Variants in SLC9B2 observed in about 807,000 individuals in gnomAD.
SLC9B2 encodes sodium/hydrogen exchanger 9B2.
In SLC9B2, 39 loss-of-function variants were observed where a neutral mutation model predicts 52.2. The ratio of observed to expected loss-of-function variants is 0.75; its 90% CI spans 0.58 to 0.98. The LOEUF (loss-of-function observed/expected upper bound fraction) is 0.98, where lower values mean the gene tolerates loss of function less well. Among genes scored for constraint, SLC9B2 ranks in the 50% least tolerant of loss-of-function variants. The probability of loss-of-function intolerance (pLI) is 0.00; values close to 1 mark genes in which losing one functional copy is unlikely to be tolerated. For synonymous variants in SLC9B2, 214 were observed against 227.0 expected (o/e 0.94, Z 0.51); for missense variants, 626 against 637.5 (o/e 0.98, Z 0.19).
At chr4:103,046,923 C>T in intron 7 of SLC9B2, 128 bp downstream of exon 7, 1 of 1,107,698 alleles carries the variant, frequency 9.0e-7, no homozygotes, top group Non-Finnish European at 1.3e-6. Flanking sequence ...GTACAGAACT[C>T]TTAGTGTTCT....
chr4:103,019,767 G>T, downstream of SLC9B2: 3 of 985,688 alleles, frequency 3.0e-6, no homozygotes, highest in Non-Finnish European at 3.6e-6. Flanking sequence ...TTTAAGTGAC[G>T]TCTTGGCTGT....
Position 103,066,500 on chromosome 4 carries a change from G to A in SLC9B2, c.98C>T (p.Thr33Ile). The change falls in exon 3 of 12, where the codon ACA becomes ATA. Residue 33 changes from threonine to isoleucine, a missense_variant. Coordinates refer to ENST00000394785, the MANE Select transcript of SLC9B2 (RefSeq NM_178833.7). ...ATCTATACCTTTGAGCTTCATAACT[G>A]TCTCCTCCTGTGTTTAAAGTAATTT... ...PSMHQEAQEETVMKLKGIDAN... is the reference protein window; with the variant it reads ...PSMHQEAQEEIVMKLKGIDAN... 6.2e-7 allele frequency: 1 copy of A among 1,611,734 alleles called. No homozygotes were observed. The highest frequency in any genetic ancestry group is 1.1e-5 in the South Asian group (1 of 90,712).
intron 9 of SLC9B2, 31 bp downstream of exon 9, chr4:103,043,265 C>A: frequency 1.3e-6 from 2 of 1,582,632 alleles, no homozygotes; most frequent in South Asian, 1.2e-5. Context: ...AGAAAAGAGT[C>A]ATGAGCAGAA....
intron 4 of SLC9B2, among the ~76,000 whole-genome samples, chr4:103,056,028 T>G (rs1209974786): frequency 6.6e-6 from 1 of 151,952 alleles, no homozygotes; most frequent in Non-Finnish European, 1.5e-5. Flanking sequence ...ATGGTCTCAA[T>G]CTCCTGACCT....
chr4:103,074,491 T>C (rs943302580), intron 1 of SLC9B2, among the ~76,000 whole-genome samples: 2 of 152,218 alleles, frequency 1.3e-5, no homozygotes, highest in Admixed American at 6.5e-5. Context: ...TAGCTTCTTG[T>C]TACAGTGCAA....
intron 4 of SLC9B2, among the ~76,000 whole-genome samples, chr4:103,053,648 G>C (rs1307661155): frequency 6.6e-6 from 1 of 152,012 alleles, no homozygotes; most frequent in African/African-American, 2.4e-5. Flanking sequence ...TGATGTCCAG[G>C]CCATATTCCA....
At chr4:103,058,667 G>T (rs1745372955) in intron 3 of SLC9B2, among the ~76,000 whole-genome samples, 1 of 152,174 alleles carries the variant, frequency 6.6e-6, no homozygotes, top group Non-Finnish European at 1.5e-5. Flanking sequence ...CTTCCAAAGT[G>T]CTGGGATTAC....
chr4:103,026,637 C>A, intron 11 of SLC9B2, 46 bp from the exon 12 acceptor site: 2 of 1,533,996 alleles, frequency 1.3e-6, no homozygotes, highest in Admixed American at 4.3e-5. Context: ...AAGATAAGCA[C>A]ATATAAAAAA....
intron 4 of SLC9B2, among the ~76,000 whole-genome samples, chr4:103,055,872 C>T (rs1160777062): frequency 2.0e-5 from 3 of 148,586 alleles, no homozygotes; most frequent in Admixed American, 6.8e-5. Flanking sequence ...GGCGCGATCT[C>T]GGCTCACTGC....
chr4:103,054,551 C>T (rs1293693106), intron 4 of SLC9B2, among the ~76,000 whole-genome samples: 4 of 152,176 alleles, frequency 2.6e-5, no homozygotes, highest in Non-Finnish European at 5.9e-5. Context: ...TATAAAGTCT[C>T]TGTTACAACT....
downstream of SLC9B2, among the ~76,000 whole-genome samples, chr4:103,020,565 T>A (rs1365586077): frequency 6.6e-6 from 1 of 152,248 alleles, no homozygotes; most frequent in Non-Finnish European, 1.5e-5. Context: ...GTTCTTTTTC[T>A]TAGTCATCAT....
At chr4:103,071,259 A>G (rs1746598777) in intron 1 of SLC9B2, among the ~76,000 whole-genome samples, 2 of 151,998 alleles carry the variant, frequency 1.3e-5, no homozygotes, top group African/African-American at 2.4e-5. Context: ...GCTGGAGTGC[A>G]GTGGCATGAT....
intron 4 of SLC9B2, among the ~76,000 whole-genome samples, chr4:103,052,867 A>T (rs1744812227): frequency 6.6e-6 from 1 of 151,942 alleles, no homozygotes; most frequent in Non-Finnish European, 1.5e-5. Flanking sequence ...AGCATTTTTC[A>T]TTCCTGAAAT....
At chr4:103,073,940 G>A (rs1746893302) in intron 1 of SLC9B2, among the ~76,000 whole-genome samples, 2 of 152,176 alleles carry the variant, frequency 1.3e-5, no homozygotes, top group Non-Finnish European at 2.9e-5. Context: ...CATTATTGGT[G>A]TAAATCAATC....
At chr4:103,058,160 T>C (rs1357880197) in intron 3 of SLC9B2, among the ~76,000 whole-genome samples, 189 bp from the exon 4 acceptor site, 1 of 152,182 alleles carries the variant, frequency 6.6e-6, no homozygotes, top group Non-Finnish European at 1.5e-5. Flanking sequence ...AATCGGATAT[T>C]ACCAGTACTT....
chr4:103,056,834 T>C (rs1342316855), intron 4 of SLC9B2, among the ~76,000 whole-genome samples: 3 of 152,320 alleles, frequency 2.0e-5, no homozygotes, highest in Middle Eastern at 3.4e-3. Context: ...AAATAAATGG[T>C]TGCATACTAT....
At chr4:103,073,783 GT>G (rs1476089459) in intron 1 of SLC9B2, among the ~76,000 whole-genome samples, 4 of 152,234 alleles carry the variant, frequency 2.6e-5, no homozygotes, top group Non-Finnish European at 5.9e-5. Flanking sequence ...CTTACTAAAA[GT>G]TTAAAATATT....
At chr4:103,069,363 G>A (rs906077272) in intron 1 of SLC9B2, among the ~76,000 whole-genome samples, 2 of 152,158 alleles carry the variant, frequency 1.3e-5, no homozygotes, top group African/African-American at 4.8e-5. Flanking sequence ...CCCCAAATAT[G>A]GTAACTGACA....
intron 4 of SLC9B2, among the ~76,000 whole-genome samples, chr4:103,052,513 G>C (rs1314399138): frequency 6.6e-6 from 1 of 152,072 alleles, no homozygotes; most frequent in African/African-American, 2.4e-5. Context: ...TATATATATT[G>C]ATAGCTTAAC....
Sources: gnomAD v4.1 joint callset for allele counts (sites outside exome capture counted in the v4.1 genomes callset) on GRCh38, gnomAD v4.1.1 for gene constraint, MANE v1.5 for transcripts, NCBI Gene and HGNC (gene_info 2026-07-23, HGNC 2026-07-21) for gene names.